Variants in MEG3 observed in about 807,000 individuals in gnomAD.
MEG3 encodes the protein maternally expressed 3, also known as Very putative protein from MEG3 locus.
exon 2 of MEG3, chr14:100,836,253 A>G (rs568938292): frequency 1.7e-4 from 78 of 456,274 alleles, no homozygotes; most frequent in Non-Finnish European, 3.1e-4. Flanking sequence ...ACCATCCCGG[A>G]CCCAAGTCTT....
chr14:100,843,934 C>T (rs531036563), intron 2 of MEG3, among the ~76,000 whole-genome samples: 9 of 150,652 alleles, frequency 6.0e-5, no homozygotes, highest in South Asian at 2.1e-4. Flanking sequence ...CTGCCTCCCA[C>T]GTTCAAGCGA....
At chr14:100,853,352 T>G (rs769169190), upstream of MEG3, 3 of 152,216 alleles carry the variant, frequency 2.0e-5, no homozygotes, top group Admixed American at 6.5e-5. Context: ...TCAGGACCTC[T>G]GGGATAGACA....
At chr14:100,858,388 C>T (rs1362134531) in exon 1 of MEG3, 7 of 152,848 alleles carry the variant, frequency 4.6e-5, no homozygotes. Flanking sequence ...CCACCGTATT[C>T]CTTTTTCAGC....
At chr14:100,849,668 T>C (rs1412746499) in intron 3 of MEG3, 1 of 152,198 alleles carries the variant, frequency 6.6e-6, no homozygotes, top group Non-Finnish European at 1.5e-5. Flanking sequence ...TGGGTGTATC[T>C]GTAAGAGTAG....
At chr14:100,854,774 C>G (rs976473309), upstream of MEG3, 1 of 152,710 alleles carries the variant, frequency 6.5e-6, no homozygotes, top group Admixed American at 6.5e-5. Flanking sequence ...CATTTTCCCA[C>G]CTCTTAGGGG....
downstream of MEG3, chr14:100,832,877 G>C (rs977776813): frequency 6.6e-6 from 1 of 152,270 alleles, no homozygotes; most frequent in African/African-American, 2.4e-5. Context: ...AATGGCCAGA[G>C]CATTCATTCC....
At chr14:100,850,632 A>G in intron 3 of MEG3, 1 of 152,114 alleles carries the variant, frequency 6.6e-6, no homozygotes, top group East Asian at 1.9e-4. Context: ...AAGAAGGAGA[A>G]AGAACCAGAG....
chr14:100,839,688 C>T (rs1030199485), intron 2 of MEG3, among the ~76,000 whole-genome samples: 2 of 152,076 alleles, frequency 1.3e-5, no homozygotes, highest in Admixed American at 6.5e-5. Context: ...GGGGGGCCCT[C>T]GGGGCTGATG....
At chr14:100,852,311 G>C, upstream of MEG3, 2 of 529,838 alleles carry the variant, frequency 3.8e-6, no homozygotes, top group East Asian at 5.5e-5. Flanking sequence ...AGAAGAAGGG[G>C]GTGGTTCCCA....
intron 2 of MEG3, among the ~76,000 whole-genome samples, chr14:100,844,033 T>C (rs553379107): frequency 6.6e-6 from 1 of 152,042 alleles, no homozygotes; most frequent in South Asian, 2.1e-4. Context: ...GGTTTCATCA[T>C]GTTGGTCAGG....
chr14:100,836,208 G>A (rs1008610235), exon 2 of MEG3: 8 of 456,382 alleles, frequency 1.8e-5, no homozygotes, highest in Non-Finnish European at 8.8e-6. Flanking sequence ...GAAGAACTGC[G>A]GATGGAAGCT....
At chr14:100,847,970 G>T (rs901551045) in intron 3 of MEG3, 1 of 152,178 alleles carries the variant, frequency 6.6e-6, no homozygotes, top group Non-Finnish European at 1.5e-5. Flanking sequence ...TGAGTGAGAC[G>T]TGGAACCGCA....
chr14:100,835,209 C>A (rs981832427), exon 1 of MEG3: 5 of 201,938 alleles, frequency 2.5e-5, no homozygotes, highest in Admixed American at 5.5e-5. Flanking sequence ...CTGAACTGTT[C>A]TGGACCCCTG....
chr14:100,852,389 CAGG>C, upstream of MEG3: 1 of 534,300 alleles, frequency 1.9e-6, no homozygotes, highest in Non-Finnish European at 3.8e-6. Context: ...ATTCATGTGT[CAGG>C]AGCCACCTTC....
upstream of MEG3, chr14:100,852,384 T>A (rs1454575241): frequency 1.9e-6 from 1 of 534,266 alleles, no homozygotes; most frequent in Non-Finnish European, 3.8e-6. Context: ...ATGGAATTCA[T>A]GTGTCAGGAG....
chr14:100,840,910 G>T (rs1202137296), intron 2 of MEG3, among the ~76,000 whole-genome samples: 1 of 152,240 alleles, frequency 6.6e-6, no homozygotes, highest in Non-Finnish European at 1.5e-5. Flanking sequence ...CAGCTGGGCT[G>T]CTCCTTCTGC....
rs981039235 is a variant in MEG3, at chr14:100,840,310, A to G, written n.3045+4010A>G. On this transcript the variant is annotated intron_variant and non_coding_transcript_variant, in intron 2 of 3. Coordinates refer to the MEG3 transcript ENST00000398461. Reference sequence around the variant, plus strand: ...CTGAGCAGTGAATAGGGTCTTTGGCAGGGGCTTAAGGAGGAGACTCTTAGC... The same window carrying G: ...CTGAGCAGTGAATAGGGTCTTTGGCGGGGGCTTAAGGAGGAGACTCTTAGC... Among the ~76,000 whole-genome samples the G allele has an allele frequency of 3.3e-5, 5 of 152,266 alleles. No homozygotes were observed. In the South Asian group the frequency reaches 8.3e-4, roughly 25 times the overall value.
exon 1 of MEG3, chr14:100,834,926 C>T (rs1162347636): frequency 1.7e-5 from 7 of 408,132 alleles, no homozygotes; most frequent in Non-Finnish European, 3.0e-5. Flanking sequence ...CATTCACCCG[C>T]GCGGCCATCC....
chr14:100,826,923 C>T (rs975977740), intron 1 of MEG3, among the ~76,000 whole-genome samples: 1 of 151,626 alleles, frequency 6.6e-6, no homozygotes, highest in African/African-American at 2.4e-5. Flanking sequence ...AGGATCAGTC[C>T]TTGCCGAAGG....
Sources: gnomAD v4.1 joint callset for allele counts (sites outside exome capture counted in the v4.1 genomes callset) on GRCh38, gnomAD v4.1.1 for gene constraint, MANE v1.5 for transcripts, NCBI Gene and HGNC (gene_info 2026-07-23, HGNC 2026-07-21) for gene names.